The following ACACB variants were observed in gnomAD, a reference collection of about 807,000 sequenced individuals.
The protein encoded by ACACB is acetyl-CoA carboxylase beta, also known as acetyl-CoA carboxylase 2.
ACACB carries 209 observed loss-of-function variants against 278.8 expected under a neutral mutation model. The observed-to-expected ratio is 0.75, with a 90% CI of 0.67 to 0.84. ACACB has a LOEUF of 0.84. ACACB is among the 40% of genes least tolerant of loss of function. The probability of loss-of-function intolerance (pLI) is 0.00; values close to 1 mark genes in which losing one functional copy is unlikely to be tolerated. For missense variants in ACACB, 2,850 were observed against 3,269.0 expected (o/e 0.87, Z 3.13); for synonymous variants, 1,174 against 1,285.6 (o/e 0.91, Z 1.86).
intron 11 of ACACB, 79 bp from the exon 12 acceptor site, chr12:109,185,500 C>T (rs1593494718): frequency 5.4e-6 from 8 of 1,491,084 alleles, no homozygotes; most frequent in Middle Eastern, 1.7e-4. Flanking sequence ...ACCTCCGTTG[C>T]ATCTACCACT....
intron 2 of ACACB, among the ~76,000 whole-genome samples, chr12:109,157,042 G>A (rs2043563225): frequency 6.6e-6 from 1 of 151,872 alleles, no homozygotes; most frequent in Admixed American, 6.6e-5. Flanking sequence ...ATTTGGAATT[G>A]TCCCAGCAAG....
intron 1 of ACACB, among the ~76,000 whole-genome samples, chr12:109,129,369 C>T (rs2042763942): frequency 6.6e-6 from 1 of 152,184 alleles, no homozygotes; most frequent in Non-Finnish European, 1.5e-5. Flanking sequence ...ATGTAAAGCT[C>T]TTAGCACAGT....
Position 109,139,898 on chromosome 12 carries a change from T to G in ACACB, c.493T>G (p.Phe165Val). ...ANIKRQLMTN[F>V]ILGSFDDYSS... Reference sequence around the variant, plus strand: ...CATCAAGAGGCAGCTGATGACCAACTTCATCCTGGGCTCTTTTGATGACTA... The same window carrying G: ...CATCAAGAGGCAGCTGATGACCAACGTCATCCTGGGCTCTTTTGATGACTA... The change falls in exon 2 of 53, where the codon TTC (phenylalanine) becomes GTC (valine). Residue 165 changes from phenylalanine (F) to valine (V), a missense_variant. Phe to Val is a conservative substitution (Grantham distance 50, BLOSUM62 -1). This residue lies in a region of ACACB where 2,265 missense variants were observed against 2,561.3 expected (regional missense o/e 0.88). Coordinates refer to ENST00000338432, the MANE Select transcript of ACACB (RefSeq NM_001093.4). 1.2e-6 allele frequency: 2 copies of G among 1,614,116 alleles called. No homozygotes were observed. The highest frequency in any genetic ancestry group is 1.7e-6 in the Non-Finnish European group (2 of 1,180,002).
intron 21 of ACACB, 110 bp from the exon 22 acceptor site, chr12:109,212,726 G>A: frequency 3.6e-6 from 3 of 844,238 alleles, no homozygotes; most frequent in South Asian, 1.5e-5. Context: ...TTCCTAACAG[G>A]CCACGGACCA....
intron 2 of ACACB, among the ~76,000 whole-genome samples, chr12:109,157,365 C>T (rs1027482783): frequency 6.6e-6 from 1 of 151,826 alleles, no homozygotes; most frequent in African/African-American, 2.4e-5. Flanking sequence ...CCTCAGCCTC[C>T]GGGCTCAAGC....
At chr12:109,216,738 T>A in intron 23 of ACACB, 32 bp downstream of exon 23, 6 of 1,614,090 alleles carry the variant, frequency 3.7e-6, no homozygotes, top group Non-Finnish European at 5.1e-6. Flanking sequence ...ACCAGTGGGA[T>A]GGTGGGGGGC....
chr12:109,190,330 C>T (rs2044824931), intron 13 of ACACB, among the ~76,000 whole-genome samples: 1 of 152,180 alleles, frequency 6.6e-6, no homozygotes, highest in Admixed American at 6.5e-5. Context: ...TCAAGTGATC[C>T]ACCCGCCTTG....
chr12:109,115,358 G>A (rs1331404303), upstream of ACACB, among the ~76,000 whole-genome samples: 1 of 152,104 alleles, frequency 6.6e-6, no homozygotes, highest in African/African-American at 2.4e-5. Context: ...TGGAATCACT[G>A]GGAAAGAATT....
chr12:109,150,763 C>T (rs773623880), intron 2 of ACACB, among the ~76,000 whole-genome samples: 1 of 152,310 alleles, frequency 6.6e-6, no homozygotes, highest in Non-Finnish European at 1.5e-5. Context: ...CATCTCTTAT[C>T]GGCTCCAAGC....
intron 1 of ACACB, among the ~76,000 whole-genome samples, chr12:109,136,564 A>G (rs1388741026): frequency 6.6e-6 from 1 of 151,766 alleles, no homozygotes; most frequent in African/African-American, 2.4e-5. Flanking sequence ...GAAATTAAAC[A>G]TATTTATTTC....
intron 7 of ACACB, among the ~76,000 whole-genome samples, chr12:109,175,704 C>T (rs1236990148): frequency 3.3e-5 from 5 of 152,184 alleles, no homozygotes; most frequent in African/African-American, 1.2e-4. Flanking sequence ...TAAGCATGAG[C>T]CACCACGCCT....
rs2045944005 is a variant in ACACB at position 109,214,733 on chromosome 12, G to C, written c.3350+1797G>C. Reference sequence around the variant, plus strand: ...GAAGCGTCTACTTCCCCACAACTCAGTGGCGCATCTCCTGAGAAACTTGAC... The same window carrying C: ...GAAGCGTCTACTTCCCCACAACTCACTGGCGCATCTCCTGAGAAACTTGAC... On this transcript the variant is annotated intron_variant, in intron 22 of 52. Transcript: ENST00000338432. Among the ~76,000 whole-genome samples, 4 of 152,292 alleles carry C rather than the reference G, an allele frequency of 2.6e-5. No individual in the cohort carries two copies. The South Asian group carries it at 8.3e-4, about 32-fold the overall frequency.
At chr12:109,244,537 T>A (rs2046887827) in intron 37 of ACACB, among the ~76,000 whole-genome samples, 1 of 152,238 alleles carries the variant, frequency 6.6e-6, no homozygotes, top group African/African-American at 2.4e-5. Context: ...GGAAGAAACA[T>A]GACTGAACCA....
chr12:109,234,134 C>A, intron 31 of ACACB, 89 bp downstream of exon 31: 2 of 1,080,570 alleles, frequency 1.9e-6, no homozygotes, highest in Non-Finnish European at 2.8e-6. Context: ...GGGAGGCAGG[C>A]GTGCTGAGTA....
intron 5 of ACACB, 51 bp from the exon 6 acceptor site, chr12:109,172,224 G>A: frequency 6.4e-7 from 1 of 1,565,186 alleles, no homozygotes; most frequent in East Asian, 2.2e-5. Flanking sequence ...ACCTGGCTGG[G>A]AGGCATATTC....
chr12:109,140,075 C>A lies in ACACB; in HGVS notation c.653+17C>A. 1 of 1,561,870 alleles carries A rather than the reference C, an allele frequency of 6.4e-7. No homozygotes were observed. On this transcript the variant is annotated intron_variant, in intron 2 of 52. Coordinates refer to ENST00000338432, the MANE Select transcript of ACACB (RefSeq NM_001093.4). ...CACTATGAGGTAATGTGCATTTTCT[C>A]CTTGTAACTGAGGAGTGCAGAGTTC...
chr12:109,131,641 C>A (rs952495597), intron 1 of ACACB, among the ~76,000 whole-genome samples: 1 of 152,184 alleles, frequency 6.6e-6, no homozygotes, highest in African/African-American at 2.4e-5. Context: ...CCAGCACTTA[C>A]CAGGACTGAG....
chr12:109,226,426 A>G (rs188249015), intron 27 of ACACB, among the ~76,000 whole-genome samples: 3 of 151,410 alleles, frequency 2.0e-5, no homozygotes, highest in Non-Finnish European at 4.4e-5. Context: ...GCGGCCAGGT[A>G]CGGTGGCTCA....
At chr12:109,142,756 G>A (rs541079285) in intron 2 of ACACB, among the ~76,000 whole-genome samples, 6 of 152,040 alleles carry the variant, frequency 3.9e-5, no homozygotes, top group South Asian at 4.2e-4. Context: ...TAGTAGAGAC[G>A]GGGTTTCACC....
Sources: allele counts gnomAD v4.1 joint callset (sites outside exome capture counted in the v4.1 genomes callset), GRCh38; gene constraint gnomAD v4.1.1; regional missense constraint gnomAD v4.1.1; transcripts MANE v1.5; gene names NCBI Gene and HGNC (gene_info 2026-07-23, HGNC 2026-07-21).